The following ARHGAP26 variants were observed in gnomAD, a reference collection of about 807,000 sequenced individuals.
The protein encoded by ARHGAP26 is rho GTPase-activating protein 26.
Under a neutral mutation model 104.8 loss-of-function variants are expected in ARHGAP26, and 38 were observed. The observed-to-expected ratio is 0.36, with a 90% CI of 0.28 to 0.48. The LOEUF is 0.48. Ranked by LOEUF, ARHGAP26 falls within the 20% of genes least tolerant of loss-of-function variation. The pLI is 0.99. For synonymous variants in ARHGAP26, 341 were observed against 340.0 expected, an observed-to-expected ratio of 1.00 and a Z score of -0.03; for missense variants, 704 against 947.9, an observed-to-expected ratio of 0.74 and a Z score of 3.38.
chr5:142,954,555 A>T (rs1768904229), intron 11 of ARHGAP26, among the ~76,000 whole-genome samples: 2 of 150,970 alleles, frequency 1.3e-5, no homozygotes, highest in South Asian at 4.2e-4. Flanking sequence ...GTTAGTCCAC[A>T]CTCCCTGGCT....
Position 143,150,527 on chromosome 5 carries a change from C to T in ARHGAP26, c.1988+3146C>T, listed in dbSNP as rs184182843. On this transcript the variant is annotated intron_variant, in intron 20 of 22. Transcript: ENST00000645722. ...TTAGGTGGATGGATGAAGAGCATTC[C>T]AGGTAAGAAGGATGAAGGAGGCAGA... 8.5e-5 allele frequency among the ~76,000 whole-genome samples: 13 copies of T among 152,142 alleles called. No individual in the cohort carries two copies. In the East Asian group the frequency reaches 2.5e-3, roughly 29 times the overall value.
At chr5:142,907,678 A>G (rs1006344968) in intron 8 of ARHGAP26, 26 bp from the exon 9 acceptor site, 3 of 1,530,622 alleles carry the variant, frequency 2.0e-6, no homozygotes, top group Non-Finnish European at 2.7e-6. Flanking sequence ...ATGTATAGAT[A>G]TTTTATGGGA....
chr5:143,048,933 A>C (rs370808874), intron 14 of ARHGAP26, among the ~76,000 whole-genome samples: 14 of 151,536 alleles, frequency 9.2e-5, no homozygotes, highest in East Asian at 7.7e-4. Context: ...AAAAAAAAAA[A>C]AAACCTTACC....
chr5:143,116,424 T>C (rs1795451644), intron 17 of ARHGAP26, among the ~76,000 whole-genome samples: 1 of 152,234 alleles, frequency 6.6e-6, no homozygotes, highest in Non-Finnish European at 1.5e-5. Flanking sequence ...CATAACACTC[T>C]AGGCCTCAAG....
chr5:142,820,446 CA>C (rs1288393577), intron 1 of ARHGAP26, among the ~76,000 whole-genome samples: 5 of 138,970 alleles, frequency 3.6e-5, no homozygotes, highest in Non-Finnish European at 6.0e-5. Context: ...CTTAAAAAAA[CA>C]AAAAAACAAA....
At chr5:142,966,513 A>G (rs918407631) in intron 11 of ARHGAP26, among the ~76,000 whole-genome samples, 3 of 152,184 alleles carry the variant, frequency 2.0e-5, no homozygotes, top group African/African-American at 7.2e-5. Context: ...GTTTCCTTTC[A>G]TGAGTATGAA....
chr5:143,161,547 G>A (rs1801242740), intron 20 of ARHGAP26, among the ~76,000 whole-genome samples: 1 of 152,034 alleles, frequency 6.6e-6, no homozygotes, highest in Admixed American at 6.6e-5. Context: ...AATATATAAT[G>A]GAAAAACCTT....
At chr5:142,933,090 A>G (rs1311737070) in intron 11 of ARHGAP26, among the ~76,000 whole-genome samples, 1 of 152,250 alleles carries the variant, frequency 6.6e-6, no homozygotes, top group Non-Finnish European at 1.5e-5. Flanking sequence ...GGGCTAAAAT[A>G]TAAGATAGCT....
At chr5:143,032,851 G>C (rs1040484619) in intron 12 of ARHGAP26, among the ~76,000 whole-genome samples, 2 of 152,216 alleles carry the variant, frequency 1.3e-5, no homozygotes, top group African/African-American at 4.8e-5. Context: ...GCACATGTGT[G>C]TGTGTGAAAA....
intron 11 of ARHGAP26, among the ~76,000 whole-genome samples, chr5:142,959,022 G>C (rs1769754648): frequency 6.6e-6 from 1 of 151,982 alleles, no homozygotes; most frequent in East Asian, 1.9e-4. Flanking sequence ...GACTATCAGA[G>C]CTTGAGAAGA....
At chr5:142,849,088 G>C (rs910162711) in intron 1 of ARHGAP26, among the ~76,000 whole-genome samples, 1 of 152,192 alleles carries the variant, frequency 6.6e-6, no homozygotes, top group Non-Finnish European at 1.5e-5. Flanking sequence ...TTTATCAAAT[G>C]TGTTTATTAC....
intron 18 of ARHGAP26, among the ~76,000 whole-genome samples, chr5:143,127,945 G>T (rs1457054623): frequency 1.3e-5 from 2 of 152,194 alleles, no homozygotes; most frequent in African/African-American, 4.8e-5. Flanking sequence ...ATCTTGTCCT[G>T]TGGTCATGGC....
At chr5:143,015,650 A>G (rs1047568960) in intron 12 of ARHGAP26, among the ~76,000 whole-genome samples, 12 of 152,210 alleles carry the variant, frequency 7.9e-5, no homozygotes, top group African/African-American at 2.7e-4. Context: ...CAAGCAGGCT[A>G]CACTAACAGA....
intron 19 of ARHGAP26, among the ~76,000 whole-genome samples, chr5:143,142,984 T>G (rs1047828336): frequency 1.3e-5 from 2 of 152,138 alleles, no homozygotes; most frequent in Non-Finnish European, 2.9e-5. Context: ...CTCTGTCTGG[T>G]AACTCCCTTT....
chr5:143,014,244 A>G, intron 12 of ARHGAP26, 128 bp downstream of exon 12: 1 of 999,954 alleles, frequency 1.0e-6, no homozygotes, highest in East Asian at 2.5e-5. Context: ...TCCCGAGTGC[A>G]GTGGGACATG....
chr5:142,804,126 C>G (rs565322755), intron 1 of ARHGAP26, among the ~76,000 whole-genome samples: 38 of 152,270 alleles, frequency 2.5e-4, no homozygotes, highest in African/African-American at 8.7e-4. Flanking sequence ...TGTCTCTACT[C>G]CTTATCAAAT....
At position 143,014,134 on chromosome 5, in the gene ARHGAP26, G is replaced by T. The variant is rs755244253; in HGVS notation, c.1144+18G>T. 3 of 1,613,986 alleles carry T rather than the reference G, an allele frequency of 1.9e-6. No homozygotes were observed. In the South Asian group the frequency reaches 3.3e-5, roughly 18 times the overall value. On this transcript the variant is annotated intron_variant, in intron 12 of 22. Coordinates refer to ENST00000645722, the MANE Select transcript of ARHGAP26 (RefSeq NM_001135608.3). ...TGAAGGGAGTAAGTACGATGCTTGG[G>T]TAACCTTCTACAGCCAGGGTTGGGA...
At chr5:143,098,499 C>G (rs1792741723) in intron 17 of ARHGAP26, among the ~76,000 whole-genome samples, 1 of 152,118 alleles carries the variant, frequency 6.6e-6, no homozygotes, top group African/African-American at 2.4e-5. Context: ...ATTGATCAAT[C>G]TACCCTCAAA....
chr5:142,913,686 G>C (rs1762127025), intron 10 of ARHGAP26, among the ~76,000 whole-genome samples: 1 of 152,232 alleles, frequency 6.6e-6, no homozygotes, highest in Non-Finnish European at 1.5e-5. Context: ...AACTGAAAAA[G>C]TTAGTATAAT....
Sources: gnomAD v4.1 joint callset for allele counts (sites outside exome capture counted in the v4.1 genomes callset) on GRCh38, gnomAD v4.1.1 for gene constraint, MANE v1.5 for transcripts, NCBI Gene and HGNC (gene_info 2026-07-23, HGNC 2026-07-21) for gene names.